Variants in TSC2 observed in about 807,000 individuals in gnomAD.
The protein encoded by TSC2 is tuberin.
In TSC2, 29 loss-of-function variants were observed where a neutral mutation model predicts 202.2. The observed-to-expected ratio is 0.14, with a 90% CI of 0.11 to 0.20. TSC2 has a LOEUF of 0.20. Ranked by LOEUF, TSC2 falls within the 10% of genes least tolerant of loss-of-function variation. The probability of loss-of-function intolerance (pLI) is 1.00; values close to 1 mark genes in which losing one functional copy is unlikely to be tolerated. For synonymous variants in TSC2, 1,349 were observed against 1,044.0 expected (o/e 1.29, Z -5.63); for missense variants, 2,429 against 2,420.0 (o/e 1.00, Z -0.08).
rs2151438957 is a variant in TSC2, at chr16:2,079,352, A to T, written c.3208A>T (p.Thr1070Ser). 1 of 1,612,908 alleles carries T rather than the reference A, an allele frequency of 6.2e-7. No individual in the cohort carries two copies. Among genetic ancestry groups the T allele is most frequent in the Non-Finnish European group, 8.5e-7 (1 of 1,179,996 alleles). Residue 1070 changes from threonine to serine, a missense_variant, in exon 28 of 42, where the codon ACG becomes TCG. Physicochemically the swap from Thr to Ser is moderately conservative, Grantham distance 58. Transcript: ENST00000219476. The surrounding 1 kb of genome is among the most constrained non-coding windows in gnomAD (Gnocchi z 4.6). ...GGTTGGGAACAAGCTTGTCACTGTGACGACAAGCGTGGGAACCGGGACCCG... is the reference window on the plus strand; with the variant it reads ...GGTTGGGAACAAGCTTGTCACTGTGTCGACAAGCGTGGGAACCGGGACCCG... The part of the protein sequence containing the change: ...WLVGNKLVTV[T>S]TSVGTGTRSL...
rs2091292629 is a variant in TSC2, at chr16:2,088,994, C to A, written c.*384C>A. 3.7e-6 allele frequency: 1 copy of A among 266,912 alleles called. No individual in the cohort carries two copies. 16.5% of individuals were successfully genotyped at this position (266,912 alleles called of 1,614,324 possible). On this transcript the variant is annotated 3_prime_UTR_variant, in exon 42 of 42. Coordinates refer to ENST00000219476, the MANE Select transcript of TSC2 (RefSeq NM_000548.5). ...TGACATGCCTAGTCCTGCTACTTGC[C>A]CAGACCTGATGCCAGCAGGCCTGGG...
chr16:2,055,736 C>G (rs1035306761), intron 6 of TSC2: 29 of 514,578 alleles, frequency 5.6e-5, no homozygotes, highest in Middle Eastern at 5.4e-4. Flanking sequence ...ACTAAAAATA[C>G]AAAAATTAGC....
rs373314420 is a variant in TSC2 at position 2,055,890 on chromosome 16, CAA to C, written c.600-288_600-287del. The C allele has an allele frequency of 0.03, 7,663 of 258,122 alleles. 3 individuals carry two copies. Among genetic ancestry groups the C allele is most frequent in the Middle Eastern group, 0.039 (32 of 816 alleles). 16.0% of individuals were successfully genotyped at this position (258,122 alleles called of 1,614,324 possible). A position where few individuals can be genotyped will look rare whatever the true frequency, so the allele number is the denominator to read the frequency against. On this transcript the variant is annotated intron_variant, in intron 6 of 41. Coordinates refer to ENST00000219476, the MANE Select transcript of TSC2 (RefSeq NM_000548.5). ...TGGGTGAAAGAGCAAAACTCCATCT[CAA>C]AAAAAAAAAAAAAAAAAGAGAAGTA...
intron 3 of TSC2, among the ~76,000 whole-genome samples, chr16:2,051,369 C>T (rs1218362676): frequency 6.6e-6 from 1 of 151,760 alleles, no homozygotes; most frequent in East Asian, 1.9e-4. Flanking sequence ...AACGCATGCT[C>T]ACTCGCTCTC....
intron 17 of TSC2, among the ~76,000 whole-genome samples, 156 bp downstream of exon 17, chr16:2,070,734 G>A (rs1342555196): frequency 6.6e-6 from 1 of 152,234 alleles, no homozygotes; most frequent in Non-Finnish European, 1.5e-5. Context: ...AGCCTCCCCA[G>A]TCCTGGTGTC....
rs2151572888 is a variant in TSC2 at position 2,086,280 on chromosome 16, C to T, written c.4750C>T (p.Leu1584=). The T allele has an allele frequency of 6.2e-7, 1 of 1,612,912 alleles. No individual in the cohort carries two copies. Residue 1584 remains leucine, a synonymous_variant, in exon 37 of 42, where the codon CTG becomes TTG. Coordinates refer to ENST00000219476, the MANE Select transcript of TSC2 (RefSeq NM_000548.5). The stretch of plus-strand genomic sequence containing the variant: ...GACGGGCCTGGGCCGGCTCATCGAG[C>T]TGAAGGACTGCCAGCCGGACAAGGT... ...FLTGLGRLIE[L]KDCQPDKVYL...
chr16:2,080,319 G>A lies in TSC2; in HGVS notation c.3552G>A (p.Ala1184=), dbSNP rs549427685. The stretch of plus-strand genomic sequence containing the variant: ...CTGTGCAGGAGAAGACGAACCTGGC[G>A]GCCTATGTGCCCCTGCTGACCCAGG... ...RVPVQEKTNL[A]AYVPLLTQGW... Residue 1184 remains alanine (A), a synonymous_variant, in exon 30 of 42, where the codon GCG becomes GCA. Transcript: ENST00000219476. The A allele has an allele frequency of 1.1e-4, 177 of 1,612,782 alleles. 1 individual carries two copies. The South Asian group carries it at 1.5e-3, about 14-fold the overall frequency.
chr16:2,076,274 G>A, intron 24 of TSC2, 104 bp downstream of exon 24: 2 of 1,576,004 alleles, frequency 1.3e-6, no homozygotes, highest in Non-Finnish European at 1.7e-6. Context: ...GGAGGGCAGT[G>A]GGAGGGTGTT....
rs2088774575 is a variant in TSC2, at chr16:2,073,312, GAGGCGCAGGGTGGGC to G, written c.2355+334_2355+348del. 2.6e-5 allele frequency among the ~76,000 whole-genome samples: 4 copies of G among 152,358 alleles called. No homozygotes were observed. In the South Asian group the frequency reaches 8.3e-4, roughly 32 times the overall value. ...CGGTTGGTGGAGCTGGGCTGGTTCT[GAGGCGCAGGGTGGGC>G]AGGCCAGAGAGTCTGGCTTCTGCCT... On this transcript the variant is annotated intron_variant, in intron 21 of 41. Coordinates refer to ENST00000219476, the MANE Select transcript of TSC2 (RefSeq NM_000548.5).
chr16:2,072,829 T>C lies in TSC2; in HGVS notation c.2221-20T>C, dbSNP rs2088678037. On this transcript the variant is annotated intron_variant, in intron 20 of 41. Coordinates refer to ENST00000219476, the MANE Select transcript of TSC2 (RefSeq NM_000548.5). ...ACCTGGCCGCTGGGGAGAGGTTTCA[T>C]GCCTGGATTTGGTCATCAGCTTTCA... is the stretch of plus-strand genomic sequence containing the variant. The C allele has an allele frequency of 1.9e-6, 3 of 1,613,384 alleles. 1 individual carries two copies. In the South Asian group the frequency reaches 3.3e-5, roughly 18 times the overall value.
intron 31 of TSC2, chr16:2,082,126 CCTGAGCCCG>C: frequency 1.7e-6 from 1 of 588,690 alleles, no homozygotes; most frequent in Non-Finnish European, 3.0e-6. Flanking sequence ...GGTTTGGACA[CCTGAGCCCG>C]CCTGCGCACT....
chr16:2,072,164 C>T, intron 19 of TSC2, 77 bp from the exon 20 acceptor site: 2 of 1,604,888 alleles, frequency 1.2e-6, no homozygotes, highest in South Asian at 1.1e-5. Context: ...AGCCACAAAG[C>T]AGAGCCTCAG....
chr16:2,070,352 C>G, intron 16 of TSC2, 104 bp from the exon 17 acceptor site: 1 of 1,594,848 alleles, frequency 6.3e-7, no homozygotes, highest in Non-Finnish European at 8.6e-7. Context: ...TTGAAGCACG[C>G]ACTCTAGAGC....
intron 3 of TSC2, 90 bp from the exon 4 acceptor site, chr16:2,053,252 C>T (rs2085345310): frequency 7.5e-7 from 1 of 1,326,726 alleles, no homozygotes; most frequent in Non-Finnish European, 1.1e-6. Flanking sequence ...GTTGTTCCTC[C>T]CTGTCCTCCG....
chr16:2,054,911 TG>T, intron 5 of TSC2: 1 of 330,420 alleles, frequency 3.0e-6, no homozygotes, highest in African/African-American at 2.1e-5. Flanking sequence ...GGTCTGACTC[TG>T]GCTTTGCTGT....
chr16:2,073,257 C>T (rs1170804895), intron 21 of TSC2, among the ~76,000 whole-genome samples: 1 of 152,228 alleles, frequency 6.6e-6, no homozygotes, highest in Non-Finnish European at 1.5e-5. Flanking sequence ...CTGGCTTGTT[C>T]CTGCTGTCCC....
intron 32 of TSC2, chr16:2,083,152 T>C: frequency 2.2e-6 from 1 of 456,802 alleles, no homozygotes; most frequent in Non-Finnish European, 4.4e-6. Flanking sequence ...TGCTTCTACT[T>C]CCTCTCCCCC....
rs943183699 is a variant in TSC2, at chr16:2,078,923, T to G, written c.2967-109T>G. The G allele has an allele frequency of 5.4e-6, 8 of 1,483,374 alleles. No homozygotes were observed. The Admixed American group carries it at 1.3e-4, about 25-fold the overall frequency. The allele number at this position is 1,483,374 out of a possible 1,614,324, so 91.9% of individuals were successfully genotyped here. ...GCCGCCCACGCCCTGTTGGGGTCTT[T>G]CCGAGCGAGGTCCTCAGCCGTGCAT... On this transcript the variant is annotated intron_variant, in intron 26 of 41. Transcript: ENST00000219476.
intron 16 of TSC2, among the ~76,000 whole-genome samples, chr16:2,070,009 A>G (rs952823083): frequency 1.3e-5 from 2 of 152,198 alleles, no homozygotes; most frequent in African/African-American, 4.8e-5. Flanking sequence ...GAGTGCTGCA[A>G]AGGGTCCCTC....
Sources: gnomAD v4.1 joint callset for allele counts (sites outside exome capture counted in the v4.1 genomes callset) on GRCh38, gnomAD v4.1.1 for gene constraint, Gnocchi (gnomAD v3.1) non-coding constraint, MANE v1.5 for transcripts, NCBI Gene and HGNC (gene_info 2026-07-23, HGNC 2026-07-21) for gene names.